The following CADM1 variants were observed in gnomAD, a reference collection of about 807,000 sequenced individuals.
CADM1 encodes the protein cell adhesion molecule 1.
CADM1 carries 15 observed loss-of-function variants against 53.1 expected under a neutral mutation model. The ratio of observed to expected loss-of-function variants is 0.28; its 90% confidence interval spans 0.19 to 0.44. CADM1 has a LOEUF of 0.44. CADM1 is among the 20% of genes least tolerant of loss of function. CADM1 has a pLI of 1.00. For missense variants in CADM1, 434 were observed against 611.3 expected (o/e 0.71, Z 3.06); for synonymous variants, 281 against 243.0 (o/e 1.16, Z -1.45).
At chr11:115,336,105 G>T (rs1316817245) in intron 1 of CADM1, among the ~76,000 whole-genome samples, 1 of 152,120 alleles carries the variant, frequency 6.6e-6, no homozygotes, top group Non-Finnish European at 1.5e-5. Context: ...TGTAACTCAA[G>T]GTCAAGCTTT....
intron 9 of CADM1, among the ~76,000 whole-genome samples, chr11:115,194,799 G>C (rs1314419351): frequency 2.0e-5 from 3 of 152,092 alleles, no homozygotes; most frequent in Non-Finnish European, 4.4e-5. Context: ...CCCTCACATT[G>C]GGGAGGAGGG....
chr11:115,247,345 G>A (rs565052949), intron 1 of CADM1, among the ~76,000 whole-genome samples: 1 of 152,062 alleles, frequency 6.6e-6, no homozygotes, highest in Admixed American at 6.6e-5. Context: ...ACCAATTAAG[G>A]TCTATTGTGT....
intron 1 of CADM1, among the ~76,000 whole-genome samples, chr11:115,276,305 C>T (rs999912396): frequency 2.6e-5 from 4 of 152,094 alleles, no homozygotes; most frequent in East Asian, 3.9e-4. Context: ...ACCTATAAAT[C>T]GAGGAACTGC....
chr11:115,218,653 C>T (rs1252194731), intron 5 of CADM1, among the ~76,000 whole-genome samples: 2 of 152,150 alleles, frequency 1.3e-5, no homozygotes, highest in Non-Finnish European at 2.9e-5. Context: ...ATTGAAGTAG[C>T]TCATCCAAGA....
At chr11:115,357,312 C>A (rs1385679978) in intron 1 of CADM1, among the ~76,000 whole-genome samples, 1 of 152,190 alleles carries the variant, frequency 6.6e-6, no homozygotes, top group African/African-American at 2.4e-5. Flanking sequence ...GGAAAGTAAA[C>A]AGAAGGAAAA....
At chr11:115,407,373 C>A (rs1484579225) in intron 1 of CADM1, among the ~76,000 whole-genome samples, 1 of 152,112 alleles carries the variant, frequency 6.6e-6, no homozygotes, top group Admixed American at 6.5e-5. Flanking sequence ...GAGTTCAATG[C>A]AAATCTACCA....
chr11:115,398,229 G>C (rs1196662545), intron 1 of CADM1, among the ~76,000 whole-genome samples: 2 of 152,152 alleles, frequency 1.3e-5, no homozygotes, highest in Non-Finnish European at 2.9e-5. Flanking sequence ...AATAGGCTCT[G>C]ATTAAAATAT....
intron 7 of CADM1, among the ~76,000 whole-genome samples, chr11:115,210,596 C>A (rs1940913735): frequency 6.6e-6 from 1 of 152,220 alleles, no homozygotes; most frequent in Non-Finnish European, 1.5e-5. Context: ...ACTAAGCAAT[C>A]ATTCTGCTAT....
chr11:115,324,646 T>C (rs1483827931), intron 1 of CADM1, among the ~76,000 whole-genome samples: 2 of 152,148 alleles, frequency 1.3e-5, no homozygotes. Context: ...AGAAAAAAGC[T>C]TGATAAATAC....
At chr11:115,285,072 G>T (rs1171874870) in intron 1 of CADM1, among the ~76,000 whole-genome samples, 1 of 152,122 alleles carries the variant, frequency 6.6e-6, no homozygotes, top group Non-Finnish European at 1.5e-5. Context: ...TCTCACTGGT[G>T]GTTCTTAAAT....
Position 115,325,297 on chromosome 11 carries a change from G to A in CADM1, c.125-84877C>T, listed in dbSNP as rs45474291. Among the ~76,000 whole-genome samples the A allele has an allele frequency of 1.6e-4, 25 of 152,122 alleles. No individual in the cohort carries two copies. The South Asian group carries it at 1.7e-3, about 10-fold the overall frequency. On this transcript the variant is annotated intron_variant, in intron 1 of 11. Transcript: ENST00000331581. ...TGAACTCTAGGAGCACGTCCCAGAC[G>A]TGCATCTCCTGGAGGCAGCCAGGGC...
chr11:115,227,260 T>A (rs1941645356), intron 5 of CADM1, among the ~76,000 whole-genome samples: 1 of 152,242 alleles, frequency 6.6e-6, no homozygotes, highest in African/African-American at 2.4e-5. Flanking sequence ...TGGAGCCTTA[T>A]TCCTTGTCTT....
At chr11:115,445,784 G>T (rs774929982) in intron 1 of CADM1, 3 of 453,196 alleles carry the variant, frequency 6.6e-6, no homozygotes, top group Non-Finnish European at 1.3e-5. Flanking sequence ...GGCCGAGGCT[G>T]CAGTGAGCCG....
At position 115,276,559 on chromosome 11, in the gene CADM1, T is replaced by C. The variant is rs150488670; in HGVS notation, c.125-36139A>G. On this transcript the variant is annotated intron_variant, in intron 1 of 11. Transcript: ENST00000331581. ...CCTCACAGTGAAAAATAAAATATTG[T>C]ATGTAAAGCCATACATATTCATGGT... Among the ~76,000 whole-genome samples, 504 of 152,320 alleles carry C rather than the reference T, an allele frequency of 3.3e-3. 4 individuals are homozygous for C. The highest frequency in any genetic ancestry group is 5.6e-3 in the Non-Finnish European group (381 of 68,026).
At chr11:115,347,879 T>C (rs1945623026) in intron 1 of CADM1, among the ~76,000 whole-genome samples, 1 of 152,176 alleles carries the variant, frequency 6.6e-6, no homozygotes, top group Non-Finnish European at 1.5e-5. Flanking sequence ...CTTTAGCCAA[T>C]AGTATCCTCC....
chr11:115,449,141 C>T (rs1201970610), intron 1 of CADM1, among the ~76,000 whole-genome samples: 2 of 152,118 alleles, frequency 1.3e-5, no homozygotes, highest in Non-Finnish European at 2.9e-5. Flanking sequence ...AAGCCACCAG[C>T]GGACCCCAAC....
chr11:115,428,802 T>C (rs1947966299), intron 1 of CADM1, among the ~76,000 whole-genome samples: 1 of 152,074 alleles, frequency 6.6e-6, no homozygotes, highest in Non-Finnish European at 1.5e-5. Flanking sequence ...TGTGTGTACG[T>C]GTGTGCGCAT....
At chr11:115,393,773 C>A (rs1337627239) in intron 1 of CADM1, among the ~76,000 whole-genome samples, 1 of 151,884 alleles carries the variant, frequency 6.6e-6, no homozygotes, top group African/African-American at 2.4e-5. Context: ...GAGGAACAAA[C>A]CTGAAAAAAA....
chr11:115,241,209 G>A (rs1186548130), intron 1 of CADM1, among the ~76,000 whole-genome samples: 1 of 152,184 alleles, frequency 6.6e-6, no homozygotes. Flanking sequence ...TCTAAGATTA[G>A]TGACGGCAGC....
Sources: gnomAD v4.1 joint callset for allele counts (sites outside exome capture counted in the v4.1 genomes callset) on GRCh38, gnomAD v4.1.1 for gene constraint, MANE v1.5 for transcripts, NCBI Gene and HGNC (gene_info 2026-07-23, HGNC 2026-07-21) for gene names.